The following ARHGAP40 variants were observed in gnomAD, a reference collection of about 807,000 sequenced individuals.
ARHGAP40 encodes rho GTPase-activating protein 40.
A neutral mutation model predicts 73.5 loss-of-function variants in ARHGAP40; 43 were observed. The observed-to-expected ratio is 0.58, with a 90% CI of 0.46 to 0.75. ARHGAP40 has a LOEUF of 0.75. Ranked by LOEUF, ARHGAP40 falls within the 30% of genes least tolerant of loss-of-function variation. The pLI, the probability that ARHGAP40 is intolerant of heterozygous loss-of-function variation, is 0.00. For missense variants in ARHGAP40, 734 were observed against 861.8 expected (o/e 0.85, Z 1.86); for synonymous variants, 300 against 352.8 (o/e 0.85, Z 1.68).
intron 1 of ARHGAP40, among the ~76,000 whole-genome samples, chr20:38,605,648 G>T (rs2088766919): frequency 6.6e-6 from 1 of 152,126 alleles, no homozygotes; most frequent in South Asian, 2.1e-4. Context: ...AAATCCACCT[G>T]CCCCTCCCAC....
At position 38,629,498 on chromosome 20, in the gene ARHGAP40, G is replaced by C; in HGVS notation, c.635-4G>C. The stretch of plus-strand genomic sequence containing the variant: ...TTCTCTGCTTTGTTTCCCCCGCCCC[G>C]CAGCAGCAGAGCCTGGGGGGCTGCA... On this transcript the variant is annotated splice_region_variant and splice_polypyrimidine_tract_variant and intron_variant, in intron 4 of 14. Transcript: ENST00000373345. The C allele has an allele frequency of 9.2e-6, 12 of 1,305,242 alleles. No homozygotes were observed. Among genetic ancestry groups the C allele is most frequent in the Non-Finnish European group, 1.2e-5 (12 of 988,866 alleles). 80.9% of individuals were successfully genotyped at this position (1,305,242 alleles called of 1,614,324 possible). A position where few individuals can be genotyped will look rare whatever the true frequency, so the allele number is the denominator to read the frequency against.
chr20:38,642,179 A>G (rs532198514), intron 10 of ARHGAP40, among the ~76,000 whole-genome samples: 1 of 152,356 alleles, frequency 6.6e-6, no homozygotes, highest in Non-Finnish European at 1.5e-5. Context: ...AAGTGGGATT[A>G]GAGTATGCAG....
At chr20:38,647,611 T>C (rs2089062992) in intron 13 of ARHGAP40, among the ~76,000 whole-genome samples, 1 of 152,118 alleles carries the variant, frequency 6.6e-6, no homozygotes, top group Admixed American at 6.6e-5. Flanking sequence ...CAGGCTGGTG[T>C]CAAACTCCTG....
At chr20:38,617,663 G>A (rs1041829220) in intron 1 of ARHGAP40, among the ~76,000 whole-genome samples, 8 of 152,000 alleles carry the variant, frequency 5.3e-5, no homozygotes, top group African/African-American at 1.9e-4. Context: ...CCGGCCCTCT[G>A]ACTCACTGCA....
At chr20:38,648,833 A>G in intron 14 of ARHGAP40, 135 bp downstream of exon 14, 1 of 599,324 alleles carries the variant, frequency 1.7e-6, no homozygotes, top group Non-Finnish European at 2.6e-6. Flanking sequence ...CTCTGTCTTC[A>G]ATGAAACCAG....
intron 1 of ARHGAP40, among the ~76,000 whole-genome samples, chr20:38,618,248 C>T (rs938619248): frequency 2.0e-5 from 3 of 151,924 alleles, no homozygotes; most frequent in African/African-American, 7.3e-5. Context: ...TCCAGGCGCC[C>T]GCCACCACGC....
At chr20:38,640,218 CTT>C (rs1332037073) in intron 9 of ARHGAP40, among the ~76,000 whole-genome samples, 6 of 91,068 alleles carry the variant, frequency 6.6e-5, no homozygotes, top group African/African-American at 3.8e-5. Flanking sequence ...TTCTTTCTTT[CTT>C]TTTTTTTTTT....
chr20:38,635,507 T>TA (rs2088969212), intron 6 of ARHGAP40, among the ~76,000 whole-genome samples: 1 of 151,756 alleles, frequency 6.6e-6, no homozygotes, highest in East Asian at 1.9e-4. Flanking sequence ...CTACAAAAAA[T>TA]AAAAAAGTAG....
At position 38,646,541 on chromosome 20, in the gene ARHGAP40, T is replaced by C. The variant is rs1227490825; in HGVS notation, c.1710+354T>C. Among the ~76,000 whole-genome samples, 1 of 152,182 alleles carries C rather than the reference T, an allele frequency of 6.6e-6. No homozygotes were observed. Among genetic ancestry groups the C allele is most frequent in the East Asian group, 1.9e-4 (1 of 5,198 alleles). On this transcript the variant is annotated intron_variant, in intron 12 of 14. Coordinates refer to ENST00000373345, the Ensembl canonical transcript of ARHGAP40. The surrounding 1 kb of genome is among the most constrained non-coding windows in gnomAD (Gnocchi z 4.5). Reference sequence around the variant, plus strand: ...TGGGGGATAGTAGAAGGGAAGAGCCTTCCAAAAATACTGAGTATTCCTAGG... The same window carrying C: ...TGGGGGATAGTAGAAGGGAAGAGCCCTCCAAAAATACTGAGTATTCCTAGG...
chr20:38,635,920 C>T (rs977528268), intron 6 of ARHGAP40, among the ~76,000 whole-genome samples: 12 of 152,182 alleles, frequency 7.9e-5, no homozygotes, highest in African/African-American at 2.9e-4. Flanking sequence ...CTAGGCTTAG[C>T]TCCAAGTTGT....
intron 1 of ARHGAP40, among the ~76,000 whole-genome samples, chr20:38,611,034 C>T (rs913108103): frequency 6.6e-6 from 1 of 152,042 alleles, no homozygotes; most frequent in East Asian, 1.9e-4. Flanking sequence ...GGATTACAGG[C>T]ACCCACCACC....
At chr20:38,613,119 C>T (rs2088813235) in intron 1 of ARHGAP40, among the ~76,000 whole-genome samples, 2 of 152,192 alleles carry the variant, frequency 1.3e-5, no homozygotes, top group Admixed American at 1.3e-4. Context: ...GTGAGACCTC[C>T]TCATTTTCAA....
chr20:38,641,307 G>A (rs1356203005), intron 9 of ARHGAP40, among the ~76,000 whole-genome samples: 1 of 152,134 alleles, frequency 6.6e-6, no homozygotes, highest in Non-Finnish European at 1.5e-5. Context: ...CTGACACCAG[G>A]TGTGAGACAG....
At chr20:38,634,739 C>T (rs772571545) in exon 6 of ARHGAP40, 15 of 1,303,840 alleles carry the variant, frequency 1.2e-5, no homozygotes, top group Non-Finnish European at 1.5e-5. Context: ...GTGACATCCT[C>T]GGCTTGGACC....
chr20:38,622,637 T>C (rs1217461412), intron 1 of ARHGAP40, among the ~76,000 whole-genome samples: 1 of 152,152 alleles, frequency 6.6e-6, no homozygotes, highest in Non-Finnish European at 1.5e-5. Context: ...GCCTGGATCA[T>C]GAAAGGCTGC....
chr20:38,614,970 G>A (rs1022575101), intron 1 of ARHGAP40: 21 of 1,226,244 alleles, frequency 1.7e-5, no homozygotes, highest in Middle Eastern at 4.4e-4. Flanking sequence ...GAGTTTGTAC[G>A]TGTGGTTGAG....
chr20:38,640,935 G>C (rs1230578016), intron 9 of ARHGAP40, among the ~76,000 whole-genome samples: 1 of 152,102 alleles, frequency 6.6e-6, no homozygotes. Context: ...TGTGTATTAT[G>C]TCTCCTCTCT....
chr20:38,625,414 T>TTTTA (rs1333010660), intron 2 of ARHGAP40, among the ~76,000 whole-genome samples: 2 of 152,032 alleles, frequency 1.3e-5, no homozygotes, highest in African/African-American at 4.8e-5. Context: ...TTTCTTTTCT[T>TTTTA]TTTATTTATT....
chr20:38,649,281 C>A (rs934134363), intron 14 of ARHGAP40, among the ~76,000 whole-genome samples: 1 of 152,190 alleles, frequency 6.6e-6, no homozygotes, highest in Non-Finnish European at 1.5e-5. Context: ...GGGGGCCACA[C>A]TTTGAGGGCC....
Sources: gnomAD v4.1 joint callset for allele counts (sites outside exome capture counted in the v4.1 genomes callset) on GRCh38, gnomAD v4.1.1 for gene constraint, Gnocchi (gnomAD v3.1) non-coding constraint, MANE v1.5 for transcripts, NCBI Gene and HGNC (gene_info 2026-07-23, HGNC 2026-07-21) for gene names.